Variants in EXT1 observed in about 807,000 individuals in gnomAD.
EXT1 encodes exostosin glycosyltransferase 1.
In EXT1, 20 loss-of-function variants were observed where a neutral mutation model predicts 82.5. The observed-to-expected ratio is 0.24, with a 90% CI of 0.17 to 0.35. The LOEUF (loss-of-function observed/expected upper bound fraction) is 0.35. Ranked by LOEUF, EXT1 falls within the 10% of genes least tolerant of loss-of-function variation. The probability of loss-of-function intolerance (pLI) is 1.00; values close to 1 mark genes in which losing one functional copy is unlikely to be tolerated. For synonymous variants in EXT1, 348 were observed against 350.8 expected (o/e 0.99, Z 0.09); for missense variants, 757 against 936.5 (o/e 0.81, Z 2.50).
intron 1 of EXT1, among the ~76,000 whole-genome samples, chr8:117,849,760 T>A (rs1812423840): frequency 6.6e-6 from 1 of 152,200 alleles, no homozygotes; most frequent in South Asian, 2.1e-4. Context: ...CATTTATGAA[T>A]ATTAGAAAGG....
chr8:117,971,747 C>T (rs1031702415), intron 1 of EXT1, among the ~76,000 whole-genome samples: 5 of 152,238 alleles, frequency 3.3e-5, no homozygotes, highest in African/African-American at 9.6e-5. Context: ...GATGCTTAAT[C>T]ATCATCTGGG....
At chr8:117,891,116 T>A (rs1425426945) in intron 1 of EXT1, among the ~76,000 whole-genome samples, 1 of 152,160 alleles carries the variant, frequency 6.6e-6, no homozygotes, top group East Asian at 1.9e-4. Context: ...GGAAAATAAT[T>A]TCCATCAGCC....
At chr8:118,048,365 T>C (rs1251220168) in intron 1 of EXT1, among the ~76,000 whole-genome samples, 1 of 152,214 alleles carries the variant, frequency 6.6e-6, no homozygotes, top group African/African-American at 2.4e-5. Context: ...TTTAGCCCTA[T>C]AAAAGATCAA....
rs1812346994 is a variant in EXT1, at chr8:117,845,732, C to T, written c.963-8531G>A. Among the ~76,000 whole-genome samples the T allele has an allele frequency of 2.6e-5, 4 of 152,138 alleles. No homozygotes were observed. In the South Asian group the frequency reaches 8.3e-4, roughly 32 times the overall value. ...GTCCCCAAAGTATTGAGATGACAGGCATGAGCCACCATGCCTGGCCAGATA... is the reference window on the plus strand; with the variant it reads ...GTCCCCAAAGTATTGAGATGACAGGTATGAGCCACCATGCCTGGCCAGATA... On this transcript the variant is annotated intron_variant, in intron 1 of 10. Coordinates refer to ENST00000378204, the MANE Select transcript of EXT1 (RefSeq NM_000127.3).
At chr8:117,957,104 A>T (rs1297964833) in intron 1 of EXT1, among the ~76,000 whole-genome samples, 1 of 152,218 alleles carries the variant, frequency 6.6e-6, no homozygotes, top group Non-Finnish European at 1.5e-5. Context: ...TGTCTTGGCG[A>T]CAGCACTGTG....
intron 1 of EXT1, among the ~76,000 whole-genome samples, chr8:118,021,815 C>T (rs576579981): frequency 6.6e-6 from 1 of 152,296 alleles, no homozygotes; most frequent in Non-Finnish European, 1.5e-5. Context: ...TTGTTATCCT[C>T]TGGGCAAAGA....
chr8:117,807,341 C>T lies in EXT1; in HGVS notation c.1759G>A (p.Glu587Lys), dbSNP rs1231316310. ...FAFTVWQSFP[E>K]RIVGYPARSH... ...CGCGCGGGGTACCCCACAATCCTCT[C>T]AGGGAAGCTCTGCCACACTGTGAAG... Residue 587 changes from glutamate to lysine, a missense_variant, in exon 9 of 11, where the codon GAG becomes AAG. By Grantham distance (56) the Glu-to-Lys change is moderately conservative. Around this residue, in one of 4 missense-constraint regions of EXT1, gnomAD observed 128 missense variants for 223.2 expected, o/e 0.57. Coordinates refer to ENST00000378204, the MANE Select transcript of EXT1 (RefSeq NM_000127.3). 6.2e-7 allele frequency: 1 copy of T among 1,614,200 alleles called. No individual in the cohort carries two copies. Among genetic ancestry groups the T allele is most frequent in the African/African-American group, 1.3e-5 (1 of 75,060 alleles).
chr8:117,996,567 T>C (rs766424660), intron 1 of EXT1, among the ~76,000 whole-genome samples: 2 of 152,224 alleles, frequency 1.3e-5, no homozygotes, highest in Non-Finnish European at 2.9e-5. Context: ...AAGTCATCTG[T>C]GCACCGTCCT....
chr8:118,051,579 G>C (rs574546378), intron 1 of EXT1, among the ~76,000 whole-genome samples: 8 of 152,290 alleles, frequency 5.3e-5, no homozygotes, highest in African/African-American at 1.9e-4. Context: ...CCTGGCCAGG[G>C]ATCAGTGAGA....
intron 1 of EXT1, among the ~76,000 whole-genome samples, chr8:117,999,822 T>A (rs116827321): frequency 0.012 from 1,780 of 152,246 alleles, 36 homozygotes; most frequent in African/African-American, 0.039. Context: ...AAAGATTCTT[T>A]AAAAACTTAG....
chr8:117,981,199 G>T (rs980873723), intron 1 of EXT1, among the ~76,000 whole-genome samples: 4 of 152,074 alleles, frequency 2.6e-5, no homozygotes, highest in African/African-American at 9.7e-5. Flanking sequence ...AGCAGCATGG[G>T]GGGTTTTAAA....
intron 1 of EXT1, among the ~76,000 whole-genome samples, chr8:118,018,160 C>G (rs746413076): frequency 3.9e-5 from 6 of 152,270 alleles, no homozygotes; most frequent in East Asian, 1.9e-4. Context: ...GAAGACCCAG[C>G]CTCCAAGTAC....
At chr8:117,901,382 C>T (rs1813445904) in intron 1 of EXT1, among the ~76,000 whole-genome samples, 1 of 152,004 alleles carries the variant, frequency 6.6e-6, no homozygotes. Context: ...GGATATAAAA[C>T]ATAAAAAATG....
At chr8:117,877,727 G>C (rs1269440973) in intron 1 of EXT1, among the ~76,000 whole-genome samples, 1 of 152,146 alleles carries the variant, frequency 6.6e-6, no homozygotes, top group Non-Finnish European at 1.5e-5. Flanking sequence ...GGCTCAGAGA[G>C]GCTGTGAGTA....
At chr8:117,851,806 CTG>C (rs1587010822) in intron 1 of EXT1, among the ~76,000 whole-genome samples, 1 of 152,084 alleles carries the variant, frequency 6.6e-6, no homozygotes, top group East Asian at 1.9e-4. Flanking sequence ...TTCTTGGACA[CTG>C]TGTTTGGGCC....
chr8:117,935,262 A>G (rs1490588071), intron 1 of EXT1, among the ~76,000 whole-genome samples: 2 of 151,786 alleles, frequency 1.3e-5, no homozygotes, highest in African/African-American at 4.8e-5. Flanking sequence ...AAACACAGAC[A>G]CAGGCATTCC....
chr8:118,058,498 A>T (rs1816830725), intron 1 of EXT1, among the ~76,000 whole-genome samples: 1 of 152,230 alleles, frequency 6.6e-6, no homozygotes. Context: ...ATAAAAAGAG[A>T]AACCAATTAT....
At chr8:118,070,308 T>A (rs1252290020) in intron 1 of EXT1, among the ~76,000 whole-genome samples, 1 of 151,158 alleles carries the variant, frequency 6.6e-6, no homozygotes, top group Non-Finnish European at 1.5e-5. Context: ...CATACACATA[T>A]CTACTTAGAG....
chr8:118,004,889 T>G (rs1249268336), intron 1 of EXT1, among the ~76,000 whole-genome samples: 2 of 151,832 alleles, frequency 1.3e-5, no homozygotes, highest in Non-Finnish European at 2.9e-5. Context: ...GGCCAGAATT[T>G]TTCATTCACA....
Sources: allele counts gnomAD v4.1 joint callset (sites outside exome capture counted in the v4.1 genomes callset), GRCh38; gene constraint gnomAD v4.1.1; regional missense constraint gnomAD v4.1.1; transcripts MANE v1.5; gene names NCBI Gene and HGNC (gene_info 2026-07-23, HGNC 2026-07-21).